Variants in CD200R1L observed in about 807,000 individuals in gnomAD.
CD200R1L encodes CD200 receptor 1 like, also known as cell surface glycoprotein CD200 receptor 2.
A neutral mutation model predicts 24.8 loss-of-function variants in CD200R1L; 14 were observed. The ratio of observed to expected loss-of-function variants is 0.56; its 90% confidence interval spans 0.37 to 0.88. The LOEUF (loss-of-function observed/expected upper bound fraction) is 0.88, where lower values mean the gene tolerates loss of function less well. CD200R1L is among the 40% of genes least tolerant of loss of function. CD200R1L has a pLI of 0.00. For missense variants in CD200R1L, 299 were observed against 297.8 expected, an observed-to-expected ratio of 1.00 and a Z score of -0.03; for synonymous variants, 111 against 109.2, an observed-to-expected ratio of 1.02 and a Z score of -0.11.
In CD200R1L at chr3:112,819,913, G is replaced by T; in HGVS notation, c.617-18C>A. On this transcript the variant is annotated intron_variant, in intron 6 of 7. Coordinates refer to ENST00000488794, the MANE Select transcript of CD200R1L (RefSeq NM_001199215.3). Reference sequence around the variant, plus strand: ...TCTGAGACCTTTAAATACAGACAGGGGTGAAAAATCATTTCAAGCATTCTT... The same window carrying T: ...TCTGAGACCTTTAAATACAGACAGGTGTGAAAAATCATTTCAAGCATTCTT... 1.9e-6 allele frequency: 3 copies of T among 1,547,210 alleles called. No homozygotes were observed. The highest frequency in any genetic ancestry group is 2.6e-6 in the Non-Finnish European group (3 of 1,154,370).
At chr3:112,837,340 T>A (rs1938973020) in intron 3 of CD200R1L, among the ~76,000 whole-genome samples, 1 of 152,234 alleles carries the variant, frequency 6.6e-6, no homozygotes, top group Non-Finnish European at 1.5e-5. Context: ...CACTTCTTAA[T>A]TCATGCTGTT....
At chr3:112,840,366 G>C (rs1939049775) in intron 2 of CD200R1L, among the ~76,000 whole-genome samples, 1 of 152,206 alleles carries the variant, frequency 6.6e-6, no homozygotes. Context: ...AGCCAGAACA[G>C]GCATGTTCAC....
intron 3 of CD200R1L, among the ~76,000 whole-genome samples, chr3:112,832,064 A>G (rs1403886834): frequency 6.6e-6 from 1 of 152,204 alleles, no homozygotes; most frequent in Non-Finnish European, 1.5e-5. Flanking sequence ...CAGCCATCTG[A>G]AAACCACACT....
chr3:112,841,670 C>T (rs1193656144), intron 2 of CD200R1L, among the ~76,000 whole-genome samples: 2 of 152,200 alleles, frequency 1.3e-5, no homozygotes, highest in East Asian at 3.9e-4. Flanking sequence ...CCACCAGCCC[C>T]ACCCAAGGCC....
chr3:112,819,999 T>C (rs2107329033), intron 6 of CD200R1L, 104 bp from the exon 7 acceptor site: 1 of 1,049,176 alleles, frequency 9.5e-7, no homozygotes, highest in Non-Finnish European at 1.3e-6. Context: ...TAAGAGTTCA[T>C]GGACTGTCAT....
chr3:112,816,010 C>A, intron 7 of CD200R1L, 35 bp from the exon 8 acceptor site: 1 of 779,092 alleles, frequency 1.3e-6, no homozygotes, highest in Non-Finnish European at 2.4e-6. Flanking sequence ...ATTTATATCT[C>A]ATTTTCCAGA....
intron 7 of CD200R1L, among the ~76,000 whole-genome samples, chr3:112,817,741 A>C (rs1938432842): frequency 6.6e-6 from 1 of 152,200 alleles, no homozygotes; most frequent in Admixed American, 6.5e-5. Context: ...ATATCATCCA[A>C]TTTATGCATT....
chr3:112,832,947 T>C (rs1586534), intron 3 of CD200R1L, among the ~76,000 whole-genome samples: 6,324 of 152,324 alleles, frequency 0.042, 167 homozygotes, highest in Non-Finnish European at 0.06. Flanking sequence ...ATCAATTAGA[T>C]CTTCTGAGCA....
rs1260673436 is a variant in CD200R1L at position 112,819,911 on chromosome 3, G to T, written c.617-16C>A. 3.2e-6 allele frequency: 5 copies of T among 1,555,330 alleles called. No individual in the cohort carries two copies. Among genetic ancestry groups the T allele is most frequent in the East Asian group, 2.3e-5 (1 of 42,960 alleles). ...GTTCTGAGACCTTTAAATACAGACAGGGGTGAAAAATCATTTCAAGCATTC... is the reference window on the plus strand; with the variant it reads ...GTTCTGAGACCTTTAAATACAGACATGGGTGAAAAATCATTTCAAGCATTC... On this transcript the variant is annotated splice_polypyrimidine_tract_variant and intron_variant, in intron 6 of 7. Coordinates refer to ENST00000488794, the MANE Select transcript of CD200R1L (RefSeq NM_001199215.3).
chr3:112,827,318 A>T (rs767794455), intron 5 of CD200R1L, 49 bp downstream of exon 5: 3 of 1,590,330 alleles, frequency 1.9e-6, no homozygotes, highest in Admixed American at 1.7e-5. Flanking sequence ...CATTTGTTTC[A>T]GTCACAAATC....
chr3:112,832,876 C>T (rs1938834897), intron 3 of CD200R1L, among the ~76,000 whole-genome samples: 1 of 152,186 alleles, frequency 6.6e-6, no homozygotes, highest in African/African-American at 2.4e-5. Context: ...CTAAAAAGAT[C>T]TAGGCTATCT....
At chr3:112,845,614 G>A in intron 2 of CD200R1L, 65 bp downstream of exon 2, 1 of 1,270,794 alleles carries the variant, frequency 7.9e-7, no homozygotes, top group Non-Finnish European at 1.1e-6. Flanking sequence ...TAGATCAAGA[G>A]TATCCTCATA....
intron 2 of CD200R1L, among the ~76,000 whole-genome samples, chr3:112,845,271 A>ACACT (rs1559927730): frequency 6.6e-6 from 1 of 152,250 alleles, no homozygotes. Context: ...CTATGCACAC[A>ACACT]CACTAGAAAA....
rs773910849 is a variant in CD200R1L, at chr3:112,826,987, G to A, written c.616+6C>T. ...GTTTACTCTTCTACAAGAAACAGGC[G>A]CTTACCTGAATTCAACTTTACGGAC... On this transcript the variant is annotated splice_donor_region_variant and intron_variant, in intron 6 of 7. Coordinates refer to ENST00000488794, the MANE Select transcript of CD200R1L (RefSeq NM_001199215.3). The A allele has an allele frequency of 5.2e-5, 82 of 1,591,122 alleles. No homozygotes were observed. The highest frequency in any genetic ancestry group is 3.1e-4 in the South Asian group (27 of 87,026).
chr3:112,829,983 T>A (rs1938756891), intron 3 of CD200R1L, among the ~76,000 whole-genome samples: 1 of 152,160 alleles, frequency 6.6e-6, no homozygotes, highest in Non-Finnish European at 1.5e-5. Context: ...ATTGCCCCAA[T>A]ATTCTTGGTT....
chr3:112,816,429 G>A (rs939228216), intron 7 of CD200R1L, among the ~76,000 whole-genome samples: 4 of 152,168 alleles, frequency 2.6e-5, no homozygotes, highest in African/African-American at 9.7e-5. Context: ...GCTCAAAACA[G>A]ATACATTAAC....
intron 6 of CD200R1L, among the ~76,000 whole-genome samples, chr3:112,821,584 A>G (rs768817901): frequency 6.6e-6 from 1 of 152,156 alleles, no homozygotes; most frequent in African/African-American, 2.4e-5. Flanking sequence ...CCCTTTAAAT[A>G]TTGAAGCCCT....
At chr3:112,843,506 C>G (rs550294929) in intron 2 of CD200R1L, among the ~76,000 whole-genome samples, 1 of 152,180 alleles carries the variant, frequency 6.6e-6, no homozygotes, top group Non-Finnish European at 1.5e-5. Context: ...CCTAAGCAAG[C>G]AAACACTAAG....
At chr3:112,823,451 T>C (rs1396460956) in intron 6 of CD200R1L, among the ~76,000 whole-genome samples, 1 of 152,212 alleles carries the variant, frequency 6.6e-6, no homozygotes, top group Non-Finnish European at 1.5e-5. Context: ...GCCTTTAACC[T>C]GTGGGGTCTG....
Sources: allele counts gnomAD v4.1 joint callset (sites outside exome capture counted in the v4.1 genomes callset), GRCh38; gene constraint gnomAD v4.1.1; transcripts MANE v1.5; gene names NCBI Gene and HGNC (gene_info 2026-07-23, HGNC 2026-07-21).